Variants in DAB1 observed in about 807,000 individuals in gnomAD.
DAB1 encodes the protein disabled homolog 1.
Under a neutral mutation model 64.6 loss-of-function variants are expected in DAB1, and 15 were observed. The observed-to-expected ratio is 0.23, with a 90% CI of 0.16 to 0.36. The LOEUF (loss-of-function observed/expected upper bound fraction) is 0.36. DAB1 is among the 10% of genes least tolerant of loss of function. DAB1 has a pLI of 1.00. For missense variants in DAB1, 596 were observed against 706.7 expected (o/e 0.84, Z 1.78); for synonymous variants, 235 against 251.9 (o/e 0.93, Z 0.64).
intron 4 of DAB1, among the ~76,000 whole-genome samples, chr1:58,281,805 A>C (rs1661570201): frequency 6.6e-6 from 1 of 152,206 alleles, no homozygotes; most frequent in Admixed American, 6.5e-5. Context: ...TACATACTTT[A>C]CAAGACTGTT....
intron 6 of DAB1, among the ~76,000 whole-genome samples, chr1:57,673,939 T>C (rs1646535747): frequency 6.6e-6 from 1 of 152,124 alleles, no homozygotes; most frequent in African/African-American, 2.4e-5. Context: ...AGAGTTAAAA[T>C]AGAAACCTGC....
intron 5 of DAB1, among the ~76,000 whole-genome samples, chr1:58,006,081 A>T (rs552663659): frequency 2.0e-5 from 3 of 152,120 alleles, no homozygotes; most frequent in Non-Finnish European, 2.9e-5. Context: ...TTTTCACTCA[A>T]CTTCTCTGGG....
chr1:57,773,627 T>C (rs1649663691), intron 6 of DAB1, among the ~76,000 whole-genome samples: 1 of 152,056 alleles, frequency 6.6e-6, no homozygotes, highest in Admixed American at 6.6e-5. Context: ...CTAGGAGCTT[T>C]ATCATTTCAG....
chr1:57,234,619 C>T (rs1446259523), intron 2 of DAB1, among the ~76,000 whole-genome samples: 2 of 152,086 alleles, frequency 1.3e-5, no homozygotes, highest in East Asian at 3.9e-4. Context: ...TAGTTTAACA[C>T]CCATTTATTG....
chr1:58,521,798 C>A (rs1646268764), intron 2 of DAB1, among the ~76,000 whole-genome samples: 1 of 151,968 alleles, frequency 6.6e-6, no homozygotes, highest in Non-Finnish European at 1.5e-5. Context: ...ATCTTCAGGC[C>A]CATATGGCTT....
intron 7 of DAB1, among the ~76,000 whole-genome samples, chr1:57,536,068 T>G (rs1570605235): frequency 6.6e-6 from 1 of 152,306 alleles, no homozygotes; most frequent in East Asian, 1.9e-4. Flanking sequence ...AGATTTCTGT[T>G]TGCAAACAGC....
chr1:58,221,981 C>A (rs1659193750), intron 4 of DAB1, among the ~76,000 whole-genome samples: 1 of 152,124 alleles, frequency 6.6e-6, no homozygotes, highest in African/African-American at 2.4e-5. Context: ...AATACACAGA[C>A]AGAATGATAG....
chr1:58,452,911 A>G (rs1231426281), intron 3 of DAB1, among the ~76,000 whole-genome samples: 1 of 152,180 alleles, frequency 6.6e-6, no homozygotes, highest in Non-Finnish European at 1.5e-5. Flanking sequence ...TCCCATTCCT[A>G]GGTAATTAAA....
At chr1:57,827,567 G>A (rs1055024351) in intron 1 of DAB1, among the ~76,000 whole-genome samples, 3 of 152,150 alleles carry the variant, frequency 2.0e-5, no homozygotes, top group African/African-American at 4.8e-5. Flanking sequence ...TTAACACAGT[G>A]CCAGGAGTGC....
chr1:58,181,600 T>G (rs1570455748), intron 4 of DAB1, among the ~76,000 whole-genome samples: 1 of 152,132 alleles, frequency 6.6e-6, no homozygotes, highest in Non-Finnish European at 1.5e-5. Context: ...CATTTTGAGT[T>G]GTTTTCTTAA....
intron 7 of DAB1, among the ~76,000 whole-genome samples, chr1:57,452,233 T>C (rs1686410877): frequency 7.0e-6 from 1 of 143,688 alleles, no homozygotes; most frequent in Non-Finnish European, 1.5e-5. Context: ...AGTGGTGTGA[T>C]AATATCTGAC....
chr1:57,514,264 T>C (rs1644438605), intron 7 of DAB1, among the ~76,000 whole-genome samples: 1 of 152,228 alleles, frequency 6.6e-6, no homozygotes, highest in Admixed American at 6.5e-5. Context: ...ACCTTCATAC[T>C]TTTTTCCATA....
chr1:57,491,253 C>A (rs999261209), intron 7 of DAB1, among the ~76,000 whole-genome samples: 9 of 152,036 alleles, frequency 5.9e-5, no homozygotes, highest in African/African-American at 2.2e-4. Context: ...ACACTGAAAC[C>A]CTGTCTCTAC....
chr1:58,151,775 C>G (rs1459079154), intron 4 of DAB1, among the ~76,000 whole-genome samples: 1 of 152,122 alleles, frequency 6.6e-6, no homozygotes, highest in Non-Finnish European at 1.5e-5. Context: ...AGCCCCTTTC[C>G]CTGGAGAGTT....
At chr1:58,529,059 C>T (rs1271938330) in intron 1 of DAB1, among the ~76,000 whole-genome samples, 1 of 151,998 alleles carries the variant, frequency 6.6e-6, no homozygotes, top group Non-Finnish European at 1.5e-5. Context: ...AATTTCCTGG[C>T]GGGTCAGTGA....
intron 3 of DAB1, among the ~76,000 whole-genome samples, chr1:58,375,948 A>G (rs924834340): frequency 6.2e-5 from 9 of 145,840 alleles, no homozygotes; most frequent in Non-Finnish European, 9.2e-5. Context: ...CATTTCTTCT[A>G]GATTTTCTAG....
chr1:57,108,222 C>T (rs1655345246), intron 4 of DAB1, among the ~76,000 whole-genome samples: 2 of 152,126 alleles, frequency 1.3e-5, no homozygotes, highest in South Asian at 4.1e-4. Flanking sequence ...GAGCAAATTG[C>T]TCCAAGGACT....
intron 6 of DAB1, among the ~76,000 whole-genome samples, chr1:57,698,550 G>A (rs758177129): frequency 1.4e-4 from 21 of 152,190 alleles, no homozygotes; most frequent in African/African-American, 2.9e-4. Flanking sequence ...AGAGTATGTC[G>A]TCTGGAGGTT....
chr1:57,004,525 A>C (rs1388669746), intron 14 of DAB1, among the ~76,000 whole-genome samples: 1 of 152,172 alleles, frequency 6.6e-6, no homozygotes, highest in African/African-American at 2.4e-5. Context: ...GGCCTAGGGT[A>C]AGAAAAGTGC....
Sources: allele counts gnomAD v4.1 joint callset (sites outside exome capture counted in the v4.1 genomes callset), GRCh38; gene constraint gnomAD v4.1.1; transcripts MANE v1.5; gene names NCBI Gene and HGNC (gene_info 2026-07-23, HGNC 2026-07-21).